The following KAZN variants were observed in gnomAD, a reference collection of about 807,000 sequenced individuals.
The protein encoded by KAZN is kazrin, periplakin interacting protein.
KAZN carries 40 observed loss-of-function variants against 87.4 expected under a neutral mutation model. The observed-to-expected ratio is 0.46, with a 90% CI of 0.36 to 0.60. The LOEUF (loss-of-function observed/expected upper bound fraction) is 0.60. KAZN is among the 20% of genes least tolerant of loss of function. The pLI is 0.00. For missense variants in KAZN, 898 were observed against 1,073.9 expected, an observed-to-expected ratio of 0.84 and a Z score of 2.29; for synonymous variants, 466 against 458.3, an observed-to-expected ratio of 1.02 and a Z score of -0.22.
At chr1:14,029,686 T>G (rs1449563040) in intron 1 of KAZN, among the ~76,000 whole-genome samples, 2 of 152,118 alleles carry the variant, frequency 1.3e-5, no homozygotes, top group South Asian at 4.2e-4. Context: ...TTCAGCTTTC[T>G]ACATACGGCT....
chr1:14,526,479 A>G (rs962592272), intron 2 of KAZN, among the ~76,000 whole-genome samples: 1 of 152,238 alleles, frequency 6.6e-6, no homozygotes, highest in Admixed American at 6.5e-5. Context: ...ATCCATCTGC[A>G]TCATCAGTAA....
intron 1 of KAZN, among the ~76,000 whole-genome samples, chr1:14,958,560 C>T (rs985633283): frequency 6.6e-6 from 1 of 152,204 alleles, no homozygotes; most frequent in Non-Finnish European, 1.5e-5. Flanking sequence ...GGGTTAGACC[C>T]GTTTAACAGA....
At chr1:14,661,934 G>A (rs1639197406) in intron 1 of KAZN, among the ~76,000 whole-genome samples, 1 of 152,156 alleles carries the variant, frequency 6.6e-6, no homozygotes. Context: ...AAGCATGGTT[G>A]CTGAAGTCGG....
chr1:14,586,407 G>T (rs1420669170), intron 2 of KAZN, among the ~76,000 whole-genome samples: 2 of 151,936 alleles, frequency 1.3e-5, no homozygotes, highest in African/African-American at 4.8e-5. Context: ...CATAGTAATA[G>T]TAAGAATTGC....
rs2101695559 is a variant in KAZN, at chr1:14,949,604, G to A, written c.227-11080G>A. Among the ~76,000 whole-genome samples, 1 of 152,294 alleles carries A rather than the reference G, an allele frequency of 6.6e-6. No homozygotes were observed. The highest frequency in any genetic ancestry group is 2.1e-4 in the South Asian group (1 of 4,832). ...CAGAAGCACCTGCCAAGTGATTTTT[G>A]TAGCCTCTGCCATGAAGGTGTTACC... On this transcript the variant is annotated intron_variant, in intron 1 of 14. Transcript: ENST00000376030. This position sits in a 1 kb window ranked among gnomAD's most constrained non-coding sequence, Gnocchi z 4.3.
At chr1:14,656,932 A>G (rs991292495) in intron 1 of KAZN, among the ~76,000 whole-genome samples, 2 of 152,244 alleles carry the variant, frequency 1.3e-5, no homozygotes, top group Non-Finnish European at 2.9e-5. Context: ...ACCATTTTAC[A>G]GGCCAGGAAA....
chr1:14,881,120 C>T (rs1452253228), intron 1 of KAZN, among the ~76,000 whole-genome samples: 1 of 152,210 alleles, frequency 6.6e-6, no homozygotes, highest in Non-Finnish European at 1.5e-5. Context: ...TGCTCTTTCC[C>T]AATATCCAGC....
intron 2 of KAZN, among the ~76,000 whole-genome samples, chr1:14,412,410 A>G (rs1571565846): frequency 6.6e-6 from 1 of 152,190 alleles, no homozygotes; most frequent in African/African-American, 2.4e-5. Flanking sequence ...CAAAGAATTG[A>G]CATACAAACT....
rs1210195593 is a variant in KAZN, at chr1:15,021,127, A to G, written c.419-13622A>G. On this transcript the variant is annotated intron_variant, in intron 2 of 14. Transcript: ENST00000376030. The surrounding 1 kb of genome is among the most constrained non-coding windows in gnomAD (Gnocchi z 4.2). ...ACCCAGAGAGGGTGCCTGAGTTCCC[A>G]AGGCCACACAGCATGCGGGTTTGCA... is the stretch of plus-strand genomic sequence containing the variant. Among the ~76,000 whole-genome samples, 2 of 152,100 alleles carry G rather than the reference A, an allele frequency of 1.3e-5. No homozygotes were observed. Among genetic ancestry groups the G allele is most frequent in the Non-Finnish European group, 2.9e-5 (2 of 68,012 alleles).
At chr1:14,805,668 G>A (rs1646187597) in intron 1 of KAZN, among the ~76,000 whole-genome samples, 1 of 151,958 alleles carries the variant, frequency 6.6e-6, no homozygotes, top group East Asian at 1.9e-4. Context: ...TGAGAAAGGA[G>A]GAGAATCACT....
At chr1:14,572,012 A>G (rs1188260234) in intron 2 of KAZN, among the ~76,000 whole-genome samples, 1 of 152,182 alleles carries the variant, frequency 6.6e-6, no homozygotes, top group Non-Finnish European at 1.5e-5. Flanking sequence ...CTAGGGTAAC[A>G]GGATCCAGCC....
chr1:14,253,303 G>A (rs1350117965), intron 2 of KAZN, among the ~76,000 whole-genome samples: 1 of 152,102 alleles, frequency 6.6e-6, no homozygotes, highest in Non-Finnish European at 1.5e-5. Flanking sequence ...CACCTAAAAA[G>A]TACCCTACCC....
At chr1:14,958,334 C>T (rs934327899) in intron 1 of KAZN, among the ~76,000 whole-genome samples, 1 of 150,984 alleles carries the variant, frequency 6.6e-6, no homozygotes, top group Non-Finnish European at 1.5e-5. Context: ...ATGTGGAGCA[C>T]TTCCTATGTA....
chr1:14,969,934 C>T (rs1437467684), intron 2 of KAZN, among the ~76,000 whole-genome samples: 1 of 152,104 alleles, frequency 6.6e-6, no homozygotes, highest in Non-Finnish European at 1.5e-5. Context: ...CTGCCTCAGC[C>T]TCCTGAGTAG....
At chr1:14,083,698 G>C (rs1019906421) in intron 1 of KAZN, among the ~76,000 whole-genome samples, 1 of 152,084 alleles carries the variant, frequency 6.6e-6, no homozygotes, top group African/African-American at 2.4e-5. Flanking sequence ...TGCACATATT[G>C]GTCATTAATT....
At chr1:14,405,078 G>T (rs1297969686) in intron 2 of KAZN, among the ~76,000 whole-genome samples, 2 of 152,212 alleles carry the variant, frequency 1.3e-5, no homozygotes, top group African/African-American at 4.8e-5. Context: ...AGCAGTGTGT[G>T]TGAATAAACC....
chr1:14,370,496 G>A (rs1171822108), intron 2 of KAZN, among the ~76,000 whole-genome samples: 1 of 152,150 alleles, frequency 6.6e-6, no homozygotes, highest in Non-Finnish European at 1.5e-5. Flanking sequence ...TTTGGGGAGG[G>A]GACAGCTATC....
At chr1:14,525,847 G>A (rs546564536) in intron 2 of KAZN, among the ~76,000 whole-genome samples, 1 of 152,318 alleles carries the variant, frequency 6.6e-6, no homozygotes, top group Admixed American at 6.5e-5. Context: ...GCAATCCTAT[G>A]GGGAAACAGG....
Position 14,443,094 on chromosome 1 carries a change from A to G in KAZN, c.250-155889A>G, listed in dbSNP as rs926560922. 2.0e-5 allele frequency among the ~76,000 whole-genome samples: 3 copies of G among 152,198 alleles called. No individual in the cohort carries two copies. The East Asian group carries it at 5.8e-4, about 29-fold the overall frequency. ...TCAACCCACCCTCCTTGAATTACAT[A>G]ACCTTTAAGATTCTTGCAACCGTGA... On this transcript the variant is annotated intron_variant, in intron 2 of 16. Transcript: ENST00000636203.
Sources: gnomAD v4.1 joint callset for allele counts (sites outside exome capture counted in the v4.1 genomes callset) on GRCh38, gnomAD v4.1.1 for gene constraint, Gnocchi (gnomAD v3.1) non-coding constraint, MANE v1.5 for transcripts, NCBI Gene and HGNC (gene_info 2026-07-23, HGNC 2026-07-21) for gene names.